Variants in PALLD observed in about 807,000 individuals in gnomAD.
PALLD encodes the protein palladin.
A neutral mutation model predicts 123.5 loss-of-function variants in PALLD; 61 were observed. The ratio of observed to expected loss-of-function variants is 0.49; its 90% confidence interval spans 0.40 to 0.61. The LOEUF (loss-of-function observed/expected upper bound fraction) is 0.61. PALLD is among the 20% of genes least tolerant of loss of function. PALLD has a pLI of 0.00. For missense variants in PALLD, 1,273 were observed against 1,377.0 expected (o/e 0.92, Z 1.20); for synonymous variants, 465 against 496.4 (o/e 0.94, Z 0.84).
intron 5 of PALLD, 61 bp from the exon 6 acceptor site, chr4:168,685,424 A>G (rs1242418831): frequency 3.8e-6 from 4 of 1,055,172 alleles, no homozygotes; most frequent in African/African-American, 3.1e-5. Context: ...AGGTTTCTTC[A>G]GCCCATCTTT....
intron 21 of PALLD, 134 bp downstream of exon 21, chr4:168,925,412 A>G: frequency 1.3e-6 from 1 of 746,722 alleles, no homozygotes; most frequent in Non-Finnish European, 2.4e-6. Flanking sequence ...CATGTTTTTC[A>G]CATGTTCTTG....
rs70961555 is a variant in PALLD, at chr4:168,761,645, G to GTTTTTTTTTTTTT, written c.1964+49741_1964+49753dup. 1.1e-3 allele frequency among the ~76,000 whole-genome samples: 95 copies of GTTTTTTTTTTTTT among 87,784 alleles called. 1 individual carries two copies. Among genetic ancestry groups the GTTTTTTTTTTTTT allele is most frequent in the East Asian group, 1.6e-3 (4 of 2,456 alleles). 57.6% of individuals were successfully genotyped at this position (87,784 alleles called of 152,430 possible). A position where few individuals can be genotyped will look rare whatever the true frequency, so the allele number is the denominator to read the frequency against. ...CCAGCTATTTTTGTTGTTGTTGTTT[G>GTTTTTTTTTTTTT]TTTTTTTTTTTTTTTTTTTTTTTTT... On this transcript the variant is annotated intron_variant, in intron 10 of 21. Transcript: ENST00000505667.
intron 2 of PALLD, among the ~76,000 whole-genome samples, chr4:168,518,789 C>T (rs1163629900): frequency 6.6e-6 from 1 of 152,192 alleles, no homozygotes; most frequent in Non-Finnish European, 1.5e-5. Context: ...TGTCTTTCTT[C>T]CTTCACTAGA....
chr4:168,525,130 G>A (rs1247214696), intron 2 of PALLD, among the ~76,000 whole-genome samples: 1 of 152,108 alleles, frequency 6.6e-6, no homozygotes, highest in Admixed American at 6.6e-5. Context: ...ATTATTCCAT[G>A]GGCCAAGCCT....
chr4:168,835,080 TC>T (rs1258715130), intron 10 of PALLD, among the ~76,000 whole-genome samples: 2 of 152,178 alleles, frequency 1.3e-5, no homozygotes, highest in Admixed American at 6.5e-5. Flanking sequence ...ATTGTTGATT[TC>T]CCCCCTTTCC....
At chr4:168,760,816 G>A (rs1208408837) in intron 10 of PALLD, among the ~76,000 whole-genome samples, 1 of 152,166 alleles carries the variant, frequency 6.6e-6, no homozygotes, top group Non-Finnish European at 1.5e-5. Flanking sequence ...AGACACTTAT[G>A]CCTATTGTTT....
At chr4:168,542,863 G>A (rs187976095) in intron 2 of PALLD, among the ~76,000 whole-genome samples, 11 of 150,902 alleles carry the variant, frequency 7.3e-5, no homozygotes, top group South Asian at 2.1e-4. Context: ...GCCTTGTTGC[G>A]TCATTGCCCT....
chr4:168,601,973 T>G (rs555738873), intron 2 of PALLD, among the ~76,000 whole-genome samples: 6 of 152,334 alleles, frequency 3.9e-5, no homozygotes, highest in Admixed American at 3.9e-4. Context: ...AGAGCCTCTC[T>G]ACTTTCTAAC....
rs1032808750 is a variant in PALLD, at chr4:168,844,005, T to C, written c.1965-46917T>C. 6.6e-6 allele frequency: 1 copy of C among 152,228 alleles called. No homozygotes were observed. Among genetic ancestry groups the C allele is most frequent in the Non-Finnish European group, 1.5e-5 (1 of 68,044 alleles). The allele number at this position is 152,228 out of a possible 1,614,324, so 9.4% of individuals were successfully genotyped here. On this transcript the variant is annotated intron_variant, in intron 10 of 21. Transcript: ENST00000505667. This position sits in a 1 kb window ranked among gnomAD's most constrained non-coding sequence, Gnocchi z 4.5. Reference sequence around the variant, plus strand: ...GAAAGTGAAAAGGAGTCGGTAACCTTGAATTTTAGCAAACTAGAGAAGGAA... The same window carrying C: ...GAAAGTGAAAAGGAGTCGGTAACCTCGAATTTTAGCAAACTAGAGAAGGAA...
chr4:168,722,154 C>G (rs938435808), intron 10 of PALLD, among the ~76,000 whole-genome samples: 1 of 152,182 alleles, frequency 6.6e-6, no homozygotes, highest in Non-Finnish European at 1.5e-5. Context: ...AGGTGATCCT[C>G]CTGCCTCAGC....
chr4:168,709,278 G>A, intron 9 of PALLD, 131 bp downstream of exon 9: 1 of 889,046 alleles, frequency 1.1e-6, no homozygotes, highest in Non-Finnish European at 1.8e-6. Context: ...GGGAGGCCGA[G>A]GCAGGCAGAT....
chr4:168,656,608 AGTT>A (rs1778598307), intron 2 of PALLD, among the ~76,000 whole-genome samples: 1 of 152,220 alleles, frequency 6.6e-6, no homozygotes, highest in Non-Finnish European at 1.5e-5. Flanking sequence ...TACCCGAAAC[AGTT>A]ATTATTTATT....
At chr4:168,771,381 C>A (rs1734415351) in intron 10 of PALLD, among the ~76,000 whole-genome samples, 1 of 152,136 alleles carries the variant, frequency 6.6e-6, no homozygotes, top group South Asian at 2.1e-4. Context: ...GCCTCAACTT[C>A]AAAAATGCAC....
At chr4:168,545,912 G>T (rs1253631197) in intron 2 of PALLD, among the ~76,000 whole-genome samples, 3 of 152,140 alleles carry the variant, frequency 2.0e-5, no homozygotes, top group Non-Finnish European at 2.9e-5. Context: ...GTGAGTTCAT[G>T]ATTTTAAATT....
Position 168,511,870 on chromosome 4 carries a change from T to A in PALLD, c.366T>A (p.Pro122=). Residue 122 remains proline (P), a synonymous_variant, in exon 2 of 22, where the codon CCT becomes CCA. Transcript: ENST00000505667. ...CTTCACCTGTTTCAAAGAGGAAACCTGCCATGTCACCCCTGCTCACCAGGC... is the reference window on the plus strand; with the variant it reads ...CTTCACCTGTTTCAAAGAGGAAACCAGCCATGTCACCCCTGCTCACCAGGC... The part of the protein sequence containing the change: ...SISSPVSKRK[P]AMSPLLTRPS... The A allele has an allele frequency of 6.2e-7, 1 of 1,614,136 alleles. No individual in the cohort carries two copies.
intron 10 of PALLD, among the ~76,000 whole-genome samples, chr4:168,826,216 T>A (rs1370867929): frequency 6.6e-6 from 1 of 152,134 alleles, no homozygotes; most frequent in East Asian, 1.9e-4. Flanking sequence ...CTACTGTGGA[T>A]CAAGCAGGAC....
chr4:168,687,535 G>A (rs547494328), intron 6 of PALLD, among the ~76,000 whole-genome samples: 3 of 152,340 alleles, frequency 2.0e-5, no homozygotes, highest in African/African-American at 7.2e-5. Flanking sequence ...GGGGGTGCCA[G>A]GGCCCAACAC....
At chr4:168,537,573 A>C (rs1765214089) in intron 2 of PALLD, 1 of 152,222 alleles carries the variant, frequency 6.6e-6, no homozygotes, top group Non-Finnish European at 1.5e-5. Flanking sequence ...AGCCAAGAGC[A>C]GAAATTCCTC....
At chr4:168,520,059 G>A (rs1306010655) in intron 2 of PALLD, among the ~76,000 whole-genome samples, 1 of 152,064 alleles carries the variant, frequency 6.6e-6, no homozygotes, top group Non-Finnish European at 1.5e-5. Flanking sequence ...GGGCACGGTG[G>A]CTCATGCCTG....
Sources: allele counts gnomAD v4.1 joint callset (sites outside exome capture counted in the v4.1 genomes callset), GRCh38; gene constraint gnomAD v4.1.1; non-coding constraint Gnocchi (gnomAD v3.1); transcripts MANE v1.5; gene names NCBI Gene and HGNC (gene_info 2026-07-23, HGNC 2026-07-21).